The following ARMH3 variants were observed in gnomAD, a reference collection of about 807,000 sequenced individuals.
ARMH3 encodes armadillo like helical domain containing 3.
ARMH3 carries 60 observed loss-of-function variants against 99.1 expected under a neutral mutation model. The observed-to-expected ratio is 0.61, with a 90% CI of 0.49 to 0.75. The LOEUF is 0.75. ARMH3 is among the 30% of genes least tolerant of loss of function. The pLI is 0.00. For missense variants in ARMH3, 679 were observed against 843.1 expected (o/e 0.81, Z 2.41); for synonymous variants, 285 against 292.8 (o/e 0.97, Z 0.27).
In ARMH3 at chr10:101,904,029, C is replaced by T. The variant is rs571825941; in HGVS notation, c.1782-14539G>A. On this transcript the variant is annotated intron_variant, in intron 23 of 25. Coordinates refer to ENST00000370033, the MANE Select transcript of ARMH3 (RefSeq NM_024541.3). The stretch of plus-strand genomic sequence containing the variant: ...TCAGCTGTGCCGTGCCCGCCCTCTG[C>T]GGCTGTCAGTCTCCAGCTGGTGATG... 2.6e-5 allele frequency among the ~76,000 whole-genome samples: 4 copies of T among 152,224 alleles called. No homozygotes were observed. In the South Asian group the frequency reaches 6.2e-4, roughly 24 times the overall value.
intron 5 of ARMH3, among the ~76,000 whole-genome samples, chr10:102,027,556 C>A (rs2067028346): frequency 6.6e-6 from 1 of 151,922 alleles, no homozygotes; most frequent in Non-Finnish European, 1.5e-5. Flanking sequence ...ATATATCAAG[C>A]AAGAAGTACT....
rs1405180270 is a variant in ARMH3, at chr10:101,846,077, G to A, written c.*1451C>T. 1 of 152,192 alleles carries A rather than the reference G, an allele frequency of 6.6e-6. No individual in the cohort carries two copies. The allele number at this position is 152,192 out of a possible 1,614,324, so 9.4% of individuals were successfully genotyped here. On this transcript the variant is annotated 3_prime_UTR_variant, in exon 26 of 26. Coordinates refer to ENST00000370033, the MANE Select transcript of ARMH3 (RefSeq NM_024541.3). ...GTGGTTCCATGGAGGCTATCCAAGG[G>A]AGGAACCACAAGCCAACTCCCCATA...
intron 1 of ARMH3, among the ~76,000 whole-genome samples, chr10:102,049,499 G>A (rs2067641635): frequency 6.6e-6 from 1 of 151,590 alleles, no homozygotes; most frequent in East Asian, 1.9e-4. Flanking sequence ...CCAAGATCGC[G>A]CCACTGCACT....
At chr10:101,949,573 TG>T in intron 22 of ARMH3, among the ~76,000 whole-genome samples, 1 of 152,264 alleles carries the variant, frequency 6.6e-6, no homozygotes, top group South Asian at 2.1e-4. Context: ...ATTGAACTTA[TG>T]GTTTAAAATC....
At chr10:101,988,482 CTT>C (rs1328506285) in intron 19 of ARMH3, among the ~76,000 whole-genome samples, 2 of 152,128 alleles carry the variant, frequency 1.3e-5, no homozygotes, top group Non-Finnish European at 1.5e-5. Flanking sequence ...TGTTCATGGT[CTT>C]TGAATTGAAA....
intron 23 of ARMH3, among the ~76,000 whole-genome samples, chr10:101,916,789 T>C (rs968498746): frequency 1.5e-4 from 23 of 152,214 alleles, no homozygotes; most frequent in Non-Finnish European, 1.5e-5. Context: ...CATCATCTAG[T>C]CTGTTGAAAG....
At chr10:101,900,609 A>G (rs906224545) in intron 23 of ARMH3, among the ~76,000 whole-genome samples, 1 of 152,218 alleles carries the variant, frequency 6.6e-6, no homozygotes, top group Non-Finnish European at 1.5e-5. Flanking sequence ...TCAATTTATT[A>G]TAAGACACTT....
chr10:102,007,042 T>C (rs960282910), intron 13 of ARMH3, among the ~76,000 whole-genome samples: 1 of 150,190 alleles, frequency 6.7e-6, no homozygotes, highest in Non-Finnish European at 1.5e-5. Context: ...ATGCCTGTAG[T>C]CCCAACTACT....
rs935839600 is a variant in ARMH3, at chr10:101,865,543, T to C, written c.1861-15651A>G. Among the ~76,000 whole-genome samples, 4 of 151,934 alleles carry C rather than the reference T, an allele frequency of 2.6e-5. No individual in the cohort carries two copies. The South Asian group carries it at 8.3e-4, about 32-fold the overall frequency. ...TCACTCTGTTGCCCAGGGTAGAGGGTAGTGGCATGATCTTGGCTCACTGCA... is the reference window on the plus strand; with the variant it reads ...TCACTCTGTTGCCCAGGGTAGAGGGCAGTGGCATGATCTTGGCTCACTGCA... On this transcript the variant is annotated intron_variant, in intron 24 of 25. Coordinates refer to ENST00000370033, the MANE Select transcript of ARMH3 (RefSeq NM_024541.3).
intron 20 of ARMH3, among the ~76,000 whole-genome samples, chr10:101,974,063 T>C (rs1845886752): frequency 6.6e-6 from 1 of 152,204 alleles, no homozygotes; most frequent in Non-Finnish European, 1.5e-5. Flanking sequence ...TCTCCTGACA[T>C]TCTTTCAATC....
rs995917991 is a variant in ARMH3 at position 101,979,137 on chromosome 10, AAAAAAT to A, written c.1407-3843_1407-3838del. Among the ~76,000 whole-genome samples, 12 of 152,156 alleles carry A rather than the reference AAAAAAT, an allele frequency of 7.9e-5. 1 individual carries two copies. In the South Asian group the frequency reaches 8.3e-4, roughly 11 times the overall value. Reference sequence around the variant, plus strand: ...TAACAGAGTAAGACCCTGTCTCTAGAAAAAATAAAAATAAAACAAAATATATGTCCA... The same window carrying A: ...TAACAGAGTAAGACCCTGTCTCTAGAAAAAATAAAACAAAATATATGTCCA... On this transcript the variant is annotated intron_variant, in intron 19 of 25. Coordinates refer to ENST00000370033, the MANE Select transcript of ARMH3 (RefSeq NM_024541.3).
intron 15 of ARMH3, among the ~76,000 whole-genome samples, chr10:101,998,786 G>A (rs930439844): frequency 6.6e-6 from 1 of 152,080 alleles, no homozygotes; most frequent in Non-Finnish European, 1.5e-5. Context: ...TACCTCACTT[G>A]GCAAATAAGA....
chr10:101,969,141 T>C (rs1845663375), intron 20 of ARMH3, among the ~76,000 whole-genome samples: 1 of 152,172 alleles, frequency 6.6e-6, no homozygotes, highest in Admixed American at 6.6e-5. Flanking sequence ...TTTTTACTGC[T>C]ATGTTCTTTC....
chr10:102,020,042 G>C (rs1432645432), intron 8 of ARMH3, among the ~76,000 whole-genome samples: 1 of 149,504 alleles, frequency 6.7e-6, no homozygotes, highest in African/African-American at 2.5e-5. Flanking sequence ...TCTCAAACAT[G>C]TCAAACATGT....
intron 22 of ARMH3, among the ~76,000 whole-genome samples, chr10:101,950,700 G>T (rs1844744967): frequency 6.6e-6 from 1 of 152,224 alleles, no homozygotes; most frequent in African/African-American, 2.4e-5. Context: ...CCAGTCACAA[G>T]AGACCACATA....
At chr10:101,925,392 C>T (rs1249330373) in intron 23 of ARMH3, among the ~76,000 whole-genome samples, 1 of 152,024 alleles carries the variant, frequency 6.6e-6, no homozygotes, top group African/African-American at 2.4e-5. Context: ...AAGAATATGT[C>T]CAAAGGACAA....
intron 23 of ARMH3, among the ~76,000 whole-genome samples, chr10:101,890,535 G>T (rs948652048): frequency 2.6e-5 from 4 of 152,156 alleles, no homozygotes; most frequent in Non-Finnish European, 5.9e-5. Flanking sequence ...AGCCACAGCG[G>T]CTGGCCAACA....
At chr10:101,894,564 A>G (rs1304258612) in intron 23 of ARMH3, among the ~76,000 whole-genome samples, 1 of 152,210 alleles carries the variant, frequency 6.6e-6, no homozygotes, top group Middle Eastern at 3.2e-3. Flanking sequence ...ATGCTTGACT[A>G]GCTCTTGGCG....
chr10:102,009,278 G>T, intron 13 of ARMH3, 96 bp downstream of exon 13: 1 of 1,126,900 alleles, frequency 8.9e-7, no homozygotes, highest in Non-Finnish European at 1.3e-6. Context: ...ATGCAAAGCA[G>T]GGTTTAAACA....
Sources: allele counts gnomAD v4.1 joint callset (sites outside exome capture counted in the v4.1 genomes callset), GRCh38; gene constraint gnomAD v4.1.1; transcripts MANE v1.5; gene names NCBI Gene and HGNC (gene_info 2026-07-23, HGNC 2026-07-21).